ZNF81: variants seen among roughly 807,000 people sequenced by gnomAD.
ZNF81 encodes zinc finger protein 81 (HFZ20).
ZNF81 carries 5 observed loss-of-function variants against 32.3 expected under a neutral mutation model. That is an observed-to-expected ratio of 0.15 (90% CI 0.08 to 0.33). The LOEUF (loss-of-function observed/expected upper bound fraction) is 0.33. Ranked by LOEUF, ZNF81 falls within the 10% of genes least tolerant of loss-of-function variation. The pLI is 1.00. For synonymous variants in ZNF81, 163 were observed against 166.8 expected (o/e 0.98, Z 0.17); for missense variants, 379 against 479.8 (o/e 0.79, Z 1.96).
chrX:47,843,432 T>TACACACACACAC (rs782116296), intron 1 of ZNF81, among the ~76,000 whole-genome samples: 27,693 of 96,355 alleles, frequency 0.29, 4,009 homozygotes, highest in East Asian at 0.39. Context: ...TTCCTATATC[T>TACACACACACAC]ACACACACAC....
At chrX:47,845,040 A>C (rs1280192354) in intron 1 of ZNF81, among the ~76,000 whole-genome samples, 3 of 112,520 alleles carry the variant, frequency 2.7e-5, no homozygotes, top group African/African-American at 9.7e-5. Context: ...AGTTATTTGA[A>C]GGAATTTTGT....
intron 3 of ZNF81, among the ~76,000 whole-genome samples, chrX:47,893,674 A>G (rs1474961030): frequency 9.1e-6 from 1 of 109,976 alleles, no homozygotes; most frequent in Non-Finnish European, 1.9e-5. Flanking sequence ...ACAGCTGCTT[A>G]CCTGGAACTT....
intron 4 of ZNF81, among the ~76,000 whole-genome samples, chrX:47,897,679 A>G (rs1474505398): frequency 8.9e-6 from 1 of 112,003 alleles, no homozygotes; most frequent in Non-Finnish European, 1.9e-5. Flanking sequence ...TATCATTTTA[A>G]CTTTTTCAGT....
At position 47,922,118 on chromosome X, in the gene ZNF81, A is replaced by C. The variant is rs782289576; in HGVS notation, c.*5486A>C. On this transcript the variant is annotated 3_prime_UTR_variant, in exon 5 of 5. Transcript: ENST00000338637. ...GGGCAGCATGATAACAACCCAGCAA[A>C]AAGCTAACTGATACATTGATTATTT... 6.3e-5 allele frequency: 7 copies of C among 111,855 alleles called. No homozygotes were observed. In the East Asian group the frequency reaches 2.0e-3, roughly 31 times the overall value. 9.2% of individuals were successfully genotyped at this position (111,855 alleles called of 1,213,427 possible).
intron 2 of ZNF81, among the ~76,000 whole-genome samples, chrX:47,882,109 A>G (rs1191954735): frequency 9.0e-6 from 1 of 111,538 alleles, no homozygotes; most frequent in Non-Finnish European, 1.9e-5. Flanking sequence ...TATTTGAAAT[A>G]TACTGAATTG....
intron 2 of ZNF81, among the ~76,000 whole-genome samples, chrX:47,877,582 C>T (rs2058604828): frequency 8.9e-6 from 1 of 111,820 alleles, no homozygotes; most frequent in African/African-American, 3.3e-5. Context: ...GCCTTACTGA[C>T]ACCATCTGTT....
intron 2 of ZNF81, among the ~76,000 whole-genome samples, chrX:47,873,645 C>T (rs988544797): frequency 9.9e-5 from 11 of 111,584 alleles, no homozygotes; most frequent in African/African-American, 3.3e-4. Context: ...GAACAGTTAA[C>T]GCAGTGGAGT....
chrX:47,857,985 A>G (rs1225208882), intron 2 of ZNF81, among the ~76,000 whole-genome samples: 41 of 110,956 alleles, frequency 3.7e-4, no homozygotes, highest in Non-Finnish European at 3.6e-4. Flanking sequence ...GTAAGCTGCC[A>G]TTCTTACTAC....
intron 2 of ZNF81, among the ~76,000 whole-genome samples, chrX:47,881,634 TC>T (rs1267008799): frequency 2.7e-5 from 3 of 112,175 alleles, no homozygotes; most frequent in Admixed American, 9.5e-5. Flanking sequence ...CCCCCACTTA[TC>T]TTTTCAATTA....
intron 2 of ZNF81, among the ~76,000 whole-genome samples, chrX:47,884,300 C>CTT (rs1484740749): frequency 3.4e-4 from 35 of 103,918 alleles, no homozygotes; most frequent in African/African-American, 1.2e-3. Flanking sequence ...CTGGCATACT[C>CTT]TCTCTGGCTC....
At chrX:47,848,886 A>G (rs1419725348) in intron 2 of ZNF81, among the ~76,000 whole-genome samples, 1 of 111,902 alleles carries the variant, frequency 8.9e-6, no homozygotes, top group Non-Finnish European at 1.9e-5. Flanking sequence ...TCTCTTACCC[A>G]TCTTTCTCCT....
chrX:47,914,965 G>A lies in ZNF81; in HGVS notation c.319G>A (p.Gly107Arg). The change falls in exon 5 of 5, where the codon GGG (glycine) becomes AGG (arginine). Residue 107 changes from glycine (G) to arginine (R), a missense_variant. Coordinates refer to ENST00000338637, the MANE Select transcript of ZNF81 (RefSeq NM_007137.5). ...TAAGCCTTCCCAGAGGAGAATTTCT[G>A]GGAAATCTACATTTCATAGTGAAAT... The part of the protein sequence containing the change: ...GIKPSQRRIS[G>R]KSTFHSEMEG... The A allele has an allele frequency of 8.3e-7, 1 of 1,207,798 alleles. No individual in the cohort carries two copies.
intron 2 of ZNF81, among the ~76,000 whole-genome samples, chrX:47,856,846 G>A (rs2058519348): frequency 8.9e-6 from 1 of 111,734 alleles, no homozygotes; most frequent in Non-Finnish European, 1.9e-5. Flanking sequence ...TGAAGCAGGA[G>A]AATTGCTTGA....
chrX:47,886,786 T>C, intron 2 of ZNF81, among the ~76,000 whole-genome samples: 1 of 110,591 alleles, frequency 9.0e-6, no homozygotes, highest in Non-Finnish European at 1.9e-5. Context: ...CACGTGGCAC[T>C]GACTGGGCCT....
At chrX:47,873,513 G>A (rs782819995) in intron 2 of ZNF81, among the ~76,000 whole-genome samples, 49 of 111,631 alleles carry the variant, frequency 4.4e-4, no homozygotes, top group Non-Finnish European at 7.5e-4. Context: ...ATCCTCTGGG[G>A]TCTCTATAAT....
intron 2 of ZNF81, among the ~76,000 whole-genome samples, chrX:47,855,496 T>C (rs1179272150): frequency 1.8e-5 from 2 of 111,654 alleles, no homozygotes. Context: ...CCTGTTCCAT[T>C]GAGCTAATAG....
chrX:47,855,049 ATGCCAC>A (rs1288801357), intron 2 of ZNF81, among the ~76,000 whole-genome samples: 1 of 110,137 alleles, frequency 9.1e-6, no homozygotes, highest in Non-Finnish European at 1.9e-5. Context: ...AGCCGAGATC[ATGCCAC>A]TGCACTCCAG....
intron 2 of ZNF81, among the ~76,000 whole-genome samples, chrX:47,854,818 G>A (rs996438018): frequency 2.7e-5 from 3 of 111,835 alleles, no homozygotes; most frequent in African/African-American, 9.7e-5. Flanking sequence ...ATAATAGGCC[G>A]GGCGCGGCGG....
Position 47,917,442 on chromosome X carries a change from C to G in ZNF81, c.*810C>G, listed in dbSNP as rs1285665972. On this transcript the variant is annotated 3_prime_UTR_variant, in exon 5 of 5. Transcript: ENST00000338637. Reference sequence around the variant, plus strand: ...CTTGACTTTGAACTTGGCCACGTGACTTTCTTTGGCCAATGGAAATTAGCA... The same window carrying G: ...CTTGACTTTGAACTTGGCCACGTGAGTTTCTTTGGCCAATGGAAATTAGCA... 4 of 288,656 alleles carry G rather than the reference C, an allele frequency of 1.4e-5. No homozygotes were observed. In the Admixed American group the frequency reaches 1.9e-4, roughly 14 times the overall value. 23.8% of individuals were successfully genotyped at this position (288,656 alleles called of 1,213,427 possible). A position where few individuals can be genotyped will look rare whatever the true frequency, so the allele number is the denominator to read the frequency against.
Sources: allele counts gnomAD v4.1 joint callset (sites outside exome capture counted in the v4.1 genomes callset), GRCh38; gene constraint gnomAD v4.1.1; transcripts MANE v1.5; gene names NCBI Gene and HGNC (gene_info 2026-07-23, HGNC 2026-07-21).